ADGRD1: variants seen among roughly 807,000 people sequenced by gnomAD.
ADGRD1 encodes G-protein coupled receptor 133.
ADGRD1 carries 77 observed loss-of-function variants against 113.4 expected under a neutral mutation model. The ratio of observed to expected loss-of-function variants is 0.68; its 90% confidence interval spans 0.57 to 0.82. The LOEUF (loss-of-function observed/expected upper bound fraction) is 0.82. Ranked by LOEUF, ADGRD1 falls within the 40% of genes least tolerant of loss-of-function variation. ADGRD1 has a pLI of 0.00. For missense variants in ADGRD1, 1,036 were observed against 1,139.1 expected, an observed-to-expected ratio of 0.91 and a Z score of 1.30; for synonymous variants, 474 against 475.0, an observed-to-expected ratio of 1.00 and a Z score of 0.03.
chr12:131,012,054 G>A (rs950273051), intron 12 of ADGRD1, among the ~76,000 whole-genome samples: 4 of 152,146 alleles, frequency 2.6e-5, no homozygotes, highest in Admixed American at 1.3e-4. Context: ...GTTCTCAGAC[G>A]GTGAATGTTG....
At position 131,123,039 on chromosome 12, in the gene ADGRD1, G is replaced by GTTTTTTTTTTTTTTTTT. The variant is rs552353187; in HGVS notation, c.2175+2144_2175+2160dup. 4.1e-4 allele frequency among the ~76,000 whole-genome samples: 21 copies of GTTTTTTTTTTTTTTTTT among 51,366 alleles called. 1 individual carries two copies. The highest frequency in any genetic ancestry group is 7.0e-4 in the Admixed American group (2 of 2,866). The allele number at this position is 51,366 out of a possible 152,430, so 33.7% of individuals were successfully genotyped here. A position where few individuals can be genotyped will look rare whatever the true frequency, so the allele number is the denominator to read the frequency against. On this transcript the variant is annotated intron_variant, in intron 20 of 24. Transcript: ENST00000261654. ...ATTACATAATTGAATTACCTGGGGA[G>GTTTTTTTTTTTTTTTTT]TTTTTTTTTTTTTTTTTTTTTTTTT...
intron 21 of ADGRD1, among the ~76,000 whole-genome samples, chr12:131,135,387 A>G (rs60057142): frequency 0.47 from 70,989 of 151,994 alleles, 16,749 homozygotes; most frequent in South Asian, 0.59. Context: ...TGGTGTGTTC[A>G]GCGATGGGGC....
intron 2 of ADGRD1, among the ~76,000 whole-genome samples, chr12:130,961,482 T>G (rs1011030403): frequency 6.6e-6 from 1 of 152,124 alleles, no homozygotes; most frequent in Admixed American, 6.5e-5. Context: ...GCTACTTGTT[T>G]TGCAGGCTGG....
intron 4 of ADGRD1, chr12:130,977,763 G>A (rs1047969117): frequency 2.0e-5 from 3 of 152,544 alleles, no homozygotes; most frequent in Admixed American, 6.5e-5. Context: ...GGTGACTGGG[G>A]TGTGGGTACA....
rs71451389 is a variant in ADGRD1 at position 130,955,123 on chromosome 12, C to CTTTTTTTTTTTTTTTTTTTTTTTTTTTT, written c.103+476_103+477insTTTTTTTTTTTTTTTTTTTTTTTTTTTT. On this transcript the variant is annotated intron_variant, in intron 2 of 24. Coordinates refer to ENST00000261654, the MANE Select transcript of ADGRD1 (RefSeq NM_198827.5). ...CACAGGTGTGCACCACTACACCCAG[C>CTTTTTTTTTTTTTTTTTTTTTTTTTTTT]TTTTTTTTTTTTTGTATTTTTAGTA... 5.0e-4 allele frequency among the ~76,000 whole-genome samples: 50 copies of CTTTTTTTTTTTTTTTTTTTTTTTTTTTT among 99,666 alleles called. 3 individuals are homozygous for CTTTTTTTTTTTTTTTTTTTTTTTTTTTT. The highest frequency in any genetic ancestry group is 6.2e-4 in the Non-Finnish European group (32 of 51,568). 65.4% of individuals were successfully genotyped at this position (99,666 alleles called of 152,430 possible). A position where few individuals can be genotyped will look rare whatever the true frequency, so the allele number is the denominator to read the frequency against.
intron 20 of ADGRD1, among the ~76,000 whole-genome samples, chr12:131,122,690 T>G (rs200114744): frequency 6.7e-6 from 1 of 149,602 alleles, no homozygotes; most frequent in African/African-American, 2.4e-5. Flanking sequence ...TGTTCTCCCT[T>G]TCTCTCTACT....
chr12:131,003,070 T>C lies in ADGRD1; in HGVS notation c.1027-115T>C. On this transcript the variant is annotated intron_variant, in intron 9 of 24. Transcript: ENST00000261654. This position sits in a 1 kb window ranked among gnomAD's most constrained non-coding sequence, Gnocchi z 4.8. Reference sequence around the variant, plus strand: ...TGGGAAGGGGCAGTTGTGTGACTTCTTCCTCCCTCGTGGCCAACGTGGGGA... The same window carrying C: ...TGGGAAGGGGCAGTTGTGTGACTTCCTCCTCCCTCGTGGCCAACGTGGGGA... The C allele has an allele frequency of 1.2e-6, 1 of 844,958 alleles. No homozygotes were observed. The highest frequency in any genetic ancestry group is 1.8e-5 in the Admixed American group (1 of 57,056). The allele number at this position is 844,958 out of a possible 1,614,324, so 52.3% of individuals were successfully genotyped here. A position where few individuals can be genotyped will look rare whatever the true frequency, so the allele number is the denominator to read the frequency against.
intron 13 of ADGRD1, among the ~76,000 whole-genome samples, chr12:131,016,248 C>T (rs903872060): frequency 6.6e-6 from 1 of 152,366 alleles, no homozygotes; most frequent in East Asian, 1.9e-4. Context: ...CCTTAAATGG[C>T]CTGCAGCTTC....
intron 15 of ADGRD1, among the ~76,000 whole-genome samples, chr12:131,086,493 G>A (rs1011119704): frequency 3.3e-5 from 5 of 152,198 alleles, no homozygotes; most frequent in Admixed American, 6.5e-5. Flanking sequence ...CCTAAGCCAC[G>A]GGGTTCTGTG....
intron 15 of ADGRD1, among the ~76,000 whole-genome samples, chr12:131,101,491 G>C (rs1260895432): frequency 1.4e-5 from 2 of 139,732 alleles, no homozygotes; most frequent in Non-Finnish European, 3.0e-5. Flanking sequence ...GGGTTCAAGT[G>C]ATTCTCCTGC....
At chr12:131,115,462 C>G (rs1390811800) in intron 18 of ADGRD1, among the ~76,000 whole-genome samples, 1 of 152,186 alleles carries the variant, frequency 6.6e-6, no homozygotes, top group Non-Finnish European at 1.5e-5. Flanking sequence ...CCACAGTTCC[C>G]TGGTATTGTC....
chr12:131,075,175 A>G lies in ADGRD1; in HGVS notation c.1474-1626A>G, dbSNP rs1203062567. ...CCTTTAAATTACTCAGGTAACACAC[A>G]AATACGCCTCCTTGTTAAAAAATTA... On this transcript the variant is annotated intron_variant, in intron 13 of 24. Transcript: ENST00000261654. This position sits in a 1 kb window ranked among gnomAD's most constrained non-coding sequence, Gnocchi z 5.3. Among the ~76,000 whole-genome samples the G allele has an allele frequency of 1.3e-5, 2 of 152,226 alleles. No individual in the cohort carries two copies. Among genetic ancestry groups the G allele is most frequent in the Admixed American group, 6.5e-5 (1 of 15,282 alleles).
intron 13 of ADGRD1, among the ~76,000 whole-genome samples, chr12:131,054,555 A>T (rs2137057798): frequency 6.6e-6 from 1 of 152,174 alleles, no homozygotes; most frequent in South Asian, 2.1e-4. Context: ...GCAGGTGTGG[A>T]CTCAGGCTAT....
Position 131,060,305 on chromosome 12 carries a change from G to T in ADGRD1, c.1474-16496G>T, listed in dbSNP as rs145038790. 6.6e-6 allele frequency among the ~76,000 whole-genome samples: 1 copy of T among 152,238 alleles called. No homozygotes were observed. The highest frequency in any genetic ancestry group is 1.5e-5 in the Non-Finnish European group (1 of 68,044). On this transcript the variant is annotated intron_variant, in intron 13 of 24. Coordinates refer to ENST00000261654, the MANE Select transcript of ADGRD1 (RefSeq NM_198827.5). This position sits in a 1 kb window ranked among gnomAD's most constrained non-coding sequence, Gnocchi z 4.4. Reference sequence around the variant, plus strand: ...GCTGGGTGGGGCCACACTTTCTCCCGTGGTATTTGGAGTAGCTAATTACTG... The same window carrying T: ...GCTGGGTGGGGCCACACTTTCTCCCTTGGTATTTGGAGTAGCTAATTACTG...
intron 9 of ADGRD1, chr12:131,002,399 A>G (rs1876499369): frequency 2.1e-6 from 1 of 468,180 alleles, no homozygotes; most frequent in Non-Finnish European, 2.8e-6. Flanking sequence ...GCAAATATCT[A>G]AAATTGGCCT....
At chr12:130,967,539 A>AG (rs1468773092) in intron 3 of ADGRD1, 2 of 152,744 alleles carry the variant, frequency 1.3e-5, no homozygotes, top group African/African-American at 4.8e-5. Flanking sequence ...GTTCCGTGGG[A>AG]GGCGTTTTAT....
intron 20 of ADGRD1, among the ~76,000 whole-genome samples, chr12:131,127,469 G>A (rs1392032568): frequency 6.6e-6 from 1 of 152,204 alleles, no homozygotes; most frequent in African/African-American, 2.4e-5. Flanking sequence ...GAGCTCATGT[G>A]GGTGTTGGTT....
chr12:130,968,729 G>A (rs1057248252), intron 3 of ADGRD1: 15 of 509,080 alleles, frequency 2.9e-5, no homozygotes, highest in Non-Finnish European at 4.2e-5. Context: ...TATCGCTTGC[G>A]GCCAAATTCA....
At chr12:131,094,549 A>G (rs1207067460) in intron 15 of ADGRD1, among the ~76,000 whole-genome samples, 1 of 151,210 alleles carries the variant, frequency 6.6e-6, no homozygotes, top group African/African-American at 2.4e-5. Flanking sequence ...TGCCTTGCCC[A>G]GGAGTAACAA....
Sources: gnomAD v4.1 joint callset for allele counts (sites outside exome capture counted in the v4.1 genomes callset) on GRCh38, gnomAD v4.1.1 for gene constraint, Gnocchi (gnomAD v3.1) non-coding constraint, MANE v1.5 for transcripts, NCBI Gene and HGNC (gene_info 2026-07-23, HGNC 2026-07-21) for gene names.